The following CFLAR variants were observed in gnomAD, a reference collection of about 807,000 sequenced individuals.
CFLAR encodes the protein CASP8 and FADD-like apoptosis regulator.
A neutral mutation model predicts 51.1 loss-of-function variants in CFLAR; 14 were observed. The ratio of observed to expected loss-of-function variants is 0.27; its 90% CI spans 0.18 to 0.43. The LOEUF (loss-of-function observed/expected upper bound fraction) is 0.43, where lower values mean the gene tolerates loss of function less well. CFLAR is among the 20% of genes least tolerant of loss of function. The probability of loss-of-function intolerance (pLI) is 1.00; values close to 1 mark genes in which losing one functional copy is unlikely to be tolerated. For missense variants in CFLAR, 390 were observed against 566.5 expected (o/e 0.69, Z 3.16); for synonymous variants, 210 against 211.6 (o/e 0.99, Z 0.06).
At position 201,166,793 on chromosome 2, in the gene CFLAR, T is replaced by A. The variant is rs13033140; in HGVS notation, c.*2820T>A. 1.3e-5 allele frequency: 2 copies of A among 156,408 alleles called. No individual in the cohort carries two copies. Among genetic ancestry groups the A allele is most frequent in the Non-Finnish European group, 2.8e-5 (2 of 70,796 alleles). The allele number at this position is 156,408 out of a possible 1,614,324, so 9.7% of individuals were successfully genotyped here. On this transcript the variant is annotated 3_prime_UTR_variant, in exon 10 of 10. Coordinates refer to ENST00000309955, the MANE Select transcript of CFLAR (RefSeq NM_003879.7). ...CAGCCCGGCCAACACAGTGAAACCC[T>A]GTCTCCACCAAAAAAATACGAAAAC...
chr2:201,149,740 G>A lies in CFLAR; in HGVS notation c.712-14G>A. 6.2e-7 allele frequency: 1 copy of A among 1,600,482 alleles called. No homozygotes were observed. Among genetic ancestry groups the A allele is most frequent in the African/African-American group, 1.3e-5 (1 of 74,710 alleles). On this transcript the variant is annotated splice_polypyrimidine_tract_variant and intron_variant, in intron 7 of 9. Transcript: ENST00000309955. ...ATATCCAGAGTCTTTAGCATTTCTT[G>A]TCTTCCTTTCCAGAGCATACCTGAA... is the stretch of plus-strand genomic sequence containing the variant.
At position 201,134,339 on chromosome 2, in the gene CFLAR, C is replaced by T. The variant is rs190011467; in HGVS notation, c.387+1205C>T. Among the ~76,000 whole-genome samples the T allele has an allele frequency of 3.2e-3, 486 of 149,652 alleles. 2 individuals carry two copies. The highest frequency in any genetic ancestry group is 0.011 in the African/African-American group (457 of 40,730). Reference sequence around the variant, plus strand: ...AAAAATTTTTTTTAACTCCAGTTGGCCTAGCACAATGGCTCATGGGCACAG... The same window carrying T: ...AAAAATTTTTTTTAACTCCAGTTGGTCTAGCACAATGGCTCATGGGCACAG... On this transcript the variant is annotated intron_variant, in intron 3 of 9. Transcript: ENST00000309955.
At position 201,169,616 on chromosome 2, in the gene CFLAR, A is replaced by G. The variant is rs1237752926; in HGVS notation, c.*5643A>G. On this transcript the variant is annotated 3_prime_UTR_variant, in exon 10 of 10. Coordinates refer to ENST00000309955, the MANE Select transcript of CFLAR (RefSeq NM_003879.7). ...CAAAAATTACAAATGGGATCTAATT[A>G]AACTAAAGAGCTCCTGCACAGCAAA... 1 of 152,176 alleles carries G rather than the reference A, an allele frequency of 6.6e-6. No homozygotes were observed. Among genetic ancestry groups the G allele is most frequent in the African/African-American group, 2.4e-5 (1 of 41,426 alleles). The allele number at this position is 152,176 out of a possible 1,614,324, so 9.4% of individuals were successfully genotyped here.
At chr2:201,136,197 G>A (rs1206063373) in intron 4 of CFLAR, 90 bp downstream of exon 4, 1 of 1,611,760 alleles carries the variant, frequency 6.2e-7, no homozygotes, top group South Asian at 1.1e-5. Context: ...TTGTTGGATA[G>A]GTGGATGGAA....
rs1944118463 is a variant in CFLAR, at chr2:201,173,677, A to ATTT, written c.*9706_*9708dup. On this transcript the variant is annotated 3_prime_UTR_variant, in exon 10 of 10. Coordinates refer to ENST00000309955, the MANE Select transcript of CFLAR (RefSeq NM_003879.7). ...TCTCATTTTAAAACTGCGTTATTTTATTTTATTTTTCTGAGATGGAATCTC... is the reference window on the plus strand; with the variant it reads ...TCTCATTTTAAAACTGCGTTATTTTATTTTTTTATTTTTCTGAGATGGAATCTC... 6.7e-6 allele frequency: 1 copy of ATTT among 149,810 alleles called. No homozygotes were observed. The highest frequency in any genetic ancestry group is 2.1e-4 in the South Asian group (1 of 4,728). The allele number at this position is 149,810 out of a possible 1,614,324, so 9.3% of individuals were successfully genotyped here. A position where few individuals can be genotyped will look rare whatever the true frequency, so the allele number is the denominator to read the frequency against.
chr2:201,150,706 C>T (rs1941141276), intron 8 of CFLAR, among the ~76,000 whole-genome samples: 1 of 152,084 alleles, frequency 6.6e-6, no homozygotes, highest in Admixed American at 6.6e-5. Flanking sequence ...AAGGATCTCA[C>T]AAGAGATTTT....
rs72931062 is a variant in CFLAR, at chr2:201,160,230, T to C, written c.794-202T>C. 3.9e-3 allele frequency among the ~76,000 whole-genome samples: 593 copies of C among 152,304 alleles called. 1 individual carries two copies. Among genetic ancestry groups the C allele is most frequent in the Non-Finnish European group, 6.1e-3 (416 of 68,014 alleles). On this transcript the variant is annotated intron_variant, in intron 8 of 9. Transcript: ENST00000309955. ...CAGTGGTATAGCAGGGTATAGACCATATTTAGGGACCTAAAATCACATCTT... is the reference window on the plus strand; with the variant it reads ...CAGTGGTATAGCAGGGTATAGACCACATTTAGGGACCTAAAATCACATCTT...
At position 201,129,836 on chromosome 2, in the gene CFLAR, C is replaced by G. The variant is rs972476395; in HGVS notation, c.-30C>G. On this transcript the variant is annotated 5_prime_UTR_variant, in exon 2 of 10. Coordinates refer to ENST00000309955, the MANE Select transcript of CFLAR (RefSeq NM_003879.7). ...CTGGCCCGGAGCTGTACTGCAAGAC[C>G]CTTGTGAGCTTCCCTAGTCTAAGAG... is the stretch of plus-strand genomic sequence containing the variant. The G allele has an allele frequency of 1.2e-6, 2 of 1,608,038 alleles. No individual in the cohort carries two copies. Among genetic ancestry groups the G allele is most frequent in the Non-Finnish European group, 1.7e-6 (2 of 1,176,370 alleles).
rs1944121464 is a variant in CFLAR at position 201,173,770 on chromosome 2, C to G, written c.*9797C>G. 1 of 152,210 alleles carries G rather than the reference C, an allele frequency of 6.6e-6. No homozygotes were observed. Among genetic ancestry groups the G allele is most frequent in the Admixed American group, 6.5e-5 (1 of 15,278 alleles). 9.4% of individuals were successfully genotyped at this position (152,210 alleles called of 1,614,324 possible). ...CACTGCAACCTCCACCTCCTGAGTT[C>G]AAGCGACTCTCCTGCCTCGGCCTCC... On this transcript the variant is annotated 3_prime_UTR_variant, in exon 10 of 10. Transcript: ENST00000309955.
intron 4 of CFLAR, chr2:201,136,327 G>A (rs772520741): frequency 3.6e-5 from 58 of 1,598,454 alleles, no homozygotes; most frequent in Non-Finnish European, 4.7e-5. Context: ...TCTGCAAAAT[G>A]CTGCCAAGCA....
intron 5 of CFLAR, chr2:201,140,705 A>G (rs950639975): frequency 1.3e-5 from 4 of 309,236 alleles, no homozygotes; most frequent in East Asian, 1.5e-4. Context: ...GTATTTTGGT[A>G]TATTTCCTTC....
intron 8 of CFLAR, among the ~76,000 whole-genome samples, chr2:201,159,975 G>A (rs1269419658): frequency 6.6e-6 from 1 of 152,112 alleles, no homozygotes; most frequent in Non-Finnish European, 1.5e-5. Context: ...GTTGGTGCTA[G>A]CTGTTGGCAG....
rs774649089 is a variant in CFLAR, at chr2:201,149,813, C to G, written c.771C>G (p.Ile257Met). 6.2e-7 allele frequency: 1 copy of G among 1,613,472 alleles called. No homozygotes were observed. Among genetic ancestry groups the G allele is most frequent in the South Asian group, 1.1e-5 (1 of 91,032 alleles). The change falls in exon 8 of 10, where the codon ATC (isoleucine) becomes ATG (methionine). Residue 257 changes from isoleucine to methionine, a missense_variant. This residue lies in a region of CFLAR where 287 missense variants were observed against 363.6 expected (regional missense o/e 0.79). Transcript: ENST00000309955. ...AGCCCCTAGGAATCTGCCTGATAAT[C>G]GATTGCATTGGCAATGAGACAGGTA... ...KSKPLGICLIIDCIGNETELL... is the reference protein window; with the variant it reads ...KSKPLGICLIMDCIGNETELL...
Position 201,146,065 on chromosome 2 carries a change from C to G in CFLAR, c.661+633C>G, listed in dbSNP as rs192945712. 3.2e-3 allele frequency among the ~76,000 whole-genome samples: 489 copies of G among 152,044 alleles called. 2 individuals carry two copies. The highest frequency in any genetic ancestry group is 0.011 in the African/African-American group (460 of 41,470). On this transcript the variant is annotated intron_variant, in intron 6 of 9. Coordinates refer to ENST00000309955, the MANE Select transcript of CFLAR (RefSeq NM_003879.7). ...CACTACAGCCTCCACCTCCTGAATT[C>G]AAGTAATTCTCATGCCTCAGCCTCC...
chr2:201,162,457 A>G (rs1371812526), intron 9 of CFLAR: 1 of 152,880 alleles, frequency 6.5e-6, no homozygotes, highest in Admixed American at 6.5e-5. Flanking sequence ...AAAAAATTTT[A>G]ATACAGTTCA....
Position 201,141,372 on chromosome 2 carries a change from AGAT to A in CFLAR, c.606+937_606+939del, listed in dbSNP as rs1559210971. The stretch of plus-strand genomic sequence containing the variant: ...TCATTTTTGCTTTTTTCTCTTCTAC[AGAT>A]GATAACACCCTATGCCCATTGTCCT... On this transcript the variant is annotated intron_variant, in intron 5 of 9. Transcript: ENST00000309955. The A allele has an allele frequency of 1.9e-6, 3 of 1,556,954 alleles. No individual in the cohort carries two copies. The East Asian group carries it at 7.1e-5, about 37-fold the overall frequency.
At chr2:201,150,700 A>C (rs530195921) in intron 8 of CFLAR, among the ~76,000 whole-genome samples, 2 of 152,256 alleles carry the variant, frequency 1.3e-5, no homozygotes, top group South Asian at 4.1e-4. Context: ...TGTGTGAAGG[A>C]TCTCACAAGA....
At chr2:201,144,974 T>A (rs1559218353) in intron 5 of CFLAR, among the ~76,000 whole-genome samples, 2 of 152,106 alleles carry the variant, frequency 1.3e-5, no homozygotes, top group African/African-American at 4.8e-5. Flanking sequence ...TGCCTCAGCC[T>A]CCTGAGAAGC....
chr2:201,128,214 A>G (rs2048892518), intron 1 of CFLAR, among the ~76,000 whole-genome samples: 1 of 152,214 alleles, frequency 6.6e-6, no homozygotes, highest in Non-Finnish European at 1.5e-5. Flanking sequence ...TTAATACAGT[A>G]GAAAAGAACT....
Sources: gnomAD v4.1 joint callset for allele counts (sites outside exome capture counted in the v4.1 genomes callset) on GRCh38, gnomAD v4.1.1 for gene constraint, gnomAD v4.1.1 regional missense constraint, MANE v1.5 for transcripts, NCBI Gene and HGNC (gene_info 2026-07-23, HGNC 2026-07-21) for gene names.